Variants in FOXK2 observed in about 807,000 individuals in gnomAD.
FOXK2 encodes the protein forkhead box protein K2.
In FOXK2, 24 loss-of-function variants were observed where a neutral mutation model predicts 53.3. That is an observed-to-expected ratio of 0.45 (90% CI 0.33 to 0.63). FOXK2 has a LOEUF of 0.63. Among genes scored for constraint, FOXK2 ranks in the 30% least tolerant of loss-of-function variants. The pLI, the probability that FOXK2 is intolerant of heterozygous loss-of-function variation, is 0.03. For missense variants in FOXK2, 952 were observed against 910.5 expected (o/e 1.05, Z -0.59); for synonymous variants, 505 against 407.1 (o/e 1.24, Z -2.89).
At chr17:82,525,064 C>T (rs1433541784) in intron 1 of FOXK2, among the ~76,000 whole-genome samples, 1 of 151,944 alleles carries the variant, frequency 6.6e-6, no homozygotes, top group African/African-American at 2.4e-5. Flanking sequence ...CAACCTCCGC[C>T]TCCCGGGTTC....
intron 1 of FOXK2, among the ~76,000 whole-genome samples, chr17:82,544,032 TC>T (rs2044598849): frequency 6.6e-6 from 1 of 152,100 alleles, no homozygotes. Flanking sequence ...CGCCTCAGCC[TC>T]CCAAAGTGCT....
At chr17:82,550,197 A>C (rs1005497052) in intron 1 of FOXK2, among the ~76,000 whole-genome samples, 7 of 150,974 alleles carry the variant, frequency 4.6e-5, no homozygotes, top group South Asian at 4.2e-4. Context: ...TCTCTAAACA[A>C]ACACACACAC....
intron 1 of FOXK2, among the ~76,000 whole-genome samples, chr17:82,521,564 T>C (rs2044361857): frequency 6.6e-6 from 1 of 151,964 alleles, no homozygotes; most frequent in Admixed American, 6.6e-5. Flanking sequence ...TGTGTGTGCA[T>C]GCGCTGTTCT....
At position 82,536,722 on chromosome 17, in the gene FOXK2, C is replaced by T. The variant is rs149232588; in HGVS notation, c.419+16415C>T. On this transcript the variant is annotated intron_variant, in intron 1 of 8. Transcript: ENST00000335255. ...GTCTTCGCAGAGGGGGCCTTTTGCC[C>T]TGGGCATGTGTGTAGCTTTCTGAAT... 1.4e-3 allele frequency among the ~76,000 whole-genome samples: 211 copies of T among 152,304 alleles called. 1 individual carries two copies. Among genetic ancestry groups the T allele is most frequent in the African/African-American group, 4.9e-3 (204 of 41,566 alleles).
chr17:82,587,766 C>T (rs144992359), intron 8 of FOXK2, among the ~76,000 whole-genome samples: 61 of 152,274 alleles, frequency 4.0e-4, no homozygotes, highest in Non-Finnish European at 6.9e-4. Flanking sequence ...GCGCCGACAC[C>T]GGGTTATCTA....
At chr17:82,573,102 AG>A (rs757808037) in intron 4 of FOXK2, among the ~76,000 whole-genome samples, 1 of 152,054 alleles carries the variant, frequency 6.6e-6, no homozygotes, top group Non-Finnish European at 1.5e-5. Context: ...CTGAGGTGGG[AG>A]GATCACCTGA....
At chr17:82,577,753 T>G (rs78946946) in intron 4 of FOXK2, among the ~76,000 whole-genome samples, 1 of 152,156 alleles carries the variant, frequency 6.6e-6, no homozygotes, top group Non-Finnish European at 1.5e-5. Context: ...ATTTATTTTT[T>G]TGGGGACAGA....
At chr17:82,574,455 G>A (rs1040894116) in intron 4 of FOXK2, among the ~76,000 whole-genome samples, 3 of 152,048 alleles carry the variant, frequency 2.0e-5, no homozygotes, top group Admixed American at 1.3e-4. Context: ...TGAGTAGCTG[G>A]GACTACAGGC....
At chr17:82,581,851 C>G (rs1260817741) in intron 4 of FOXK2, among the ~76,000 whole-genome samples, 1 of 152,158 alleles carries the variant, frequency 6.6e-6, no homozygotes, top group East Asian at 1.9e-4. Flanking sequence ...CTCAACTGAG[C>G]CGCTGCGCCC....
At chr17:82,572,774 T>TA (rs1402113828) in intron 4 of FOXK2, among the ~76,000 whole-genome samples, 1 of 152,150 alleles carries the variant, frequency 6.6e-6, no homozygotes, top group Non-Finnish European at 1.5e-5. Context: ...AATGATCCTT[T>TA]AAAAAAACAT....
intron 8 of FOXK2, 52 bp from the exon 9 acceptor site, chr17:82,601,251 C>T (rs2045379447): frequency 5.8e-6 from 9 of 1,562,666 alleles, no homozygotes; most frequent in African/African-American, 2.7e-5. Flanking sequence ...GGTTCTGAGT[C>T]GCGAGGGTTC....
At chr17:82,594,314 C>T (rs894077935) in intron 8 of FOXK2, among the ~76,000 whole-genome samples, 6 of 152,134 alleles carry the variant, frequency 3.9e-5, no homozygotes, top group Non-Finnish European at 8.8e-5. Context: ...CTGGCTAACA[C>T]GGTGAAACCC....
rs1433574908 is a variant in FOXK2, at chr17:82,585,932, A to C, written c.1308A>C (p.Leu436Phe). ...CACCTCTGTCCAGTCAGCCAGTCTT[A>C]ATCACCGTCCAGCGGCAGCTACCAC... is the stretch of plus-strand genomic sequence containing the variant. ...PGSPLSSQPV[L>F]ITVQRQLPQA... Residue 436 changes from leucine (L) to phenylalanine (F), a missense_variant, in exon 7 of 9, where the codon TTA (leucine) becomes TTC (phenylalanine). By Grantham distance (22) the Leu-to-Phe change is conservative (BLOSUM62 0). Around this residue, in one of 5 missense-constraint regions of FOXK2, gnomAD observed 551 missense variants for 385.1 expected, o/e 1.43. Coordinates refer to ENST00000335255, the MANE Select transcript of FOXK2 (RefSeq NM_004514.4). The C allele has an allele frequency of 6.2e-7, 1 of 1,612,410 alleles. No individual in the cohort carries two copies. The highest frequency in any genetic ancestry group is 8.5e-7 in the Non-Finnish European group (1 of 1,179,634).
chr17:82,563,594 G>T (rs370657954), intron 2 of FOXK2, 46 bp downstream of exon 2: 174 of 1,545,406 alleles, frequency 1.1e-4, no homozygotes, highest in Non-Finnish European at 1.4e-4. Flanking sequence ...AGTCCCAGTG[G>T]CAGCCCCAAG....
At chr17:82,586,874 T>C (rs575865019) in intron 7 of FOXK2, among the ~76,000 whole-genome samples, 189 bp from the exon 8 acceptor site, 3 of 152,188 alleles carry the variant, frequency 2.0e-5, no homozygotes, top group East Asian at 3.9e-4. Flanking sequence ...GGACTCCAGC[T>C]TGGGTAACGA....
intron 8 of FOXK2, among the ~76,000 whole-genome samples, chr17:82,588,638 G>T (rs925494170): frequency 1.3e-5 from 2 of 152,092 alleles, no homozygotes; most frequent in African/African-American, 4.8e-5. Context: ...CAGAGTTCCC[G>T]ACTAGGCCTG....
intron 1 of FOXK2, among the ~76,000 whole-genome samples, chr17:82,548,304 C>T (rs1005076420): frequency 6.6e-6 from 1 of 152,062 alleles, no homozygotes; most frequent in Non-Finnish European, 1.5e-5. Context: ...TTTTGTCAGT[C>T]TTCTTATATT....
chr17:82,561,946 C>T (rs1293637027), intron 1 of FOXK2, among the ~76,000 whole-genome samples: 4 of 151,742 alleles, frequency 2.6e-5, no homozygotes, highest in Admixed American at 6.6e-5. Context: ...AGATGTGAGC[C>T]GGGCTGAGTC....
chr17:82,597,223 A>C (rs1337536007), intron 8 of FOXK2, among the ~76,000 whole-genome samples: 1 of 152,248 alleles, frequency 6.6e-6, no homozygotes, highest in Non-Finnish European at 1.5e-5. Context: ...CAGAGTTTGC[A>C]GTGCTCGCTG....
Sources: gnomAD v4.1 joint callset for allele counts (sites outside exome capture counted in the v4.1 genomes callset) on GRCh38, gnomAD v4.1.1 for gene constraint, gnomAD v4.1.1 regional missense constraint, MANE v1.5 for transcripts, NCBI Gene and HGNC (gene_info 2026-07-23, HGNC 2026-07-21) for gene names.